ADARB2: variants seen among roughly 807,000 people sequenced by gnomAD.
ADARB2 encodes the protein adenosine deaminase RNA specific B2 (inactive).
In ADARB2, 25 loss-of-function variants were observed where a neutral mutation model predicts 62.2. That is an observed-to-expected ratio of 0.40 (90% confidence interval 0.29 to 0.56). The LOEUF (loss-of-function observed/expected upper bound fraction) is 0.56, where lower values mean the gene tolerates loss of function less well. ADARB2 is among the 20% of genes least tolerant of loss of function. ADARB2 has a pLI of 0.43. For missense variants in ADARB2, 1,071 were observed against 1,077.4 expected (o/e 0.99, Z 0.08); for synonymous variants, 572 against 500.8 (o/e 1.14, Z -1.90).
chr10:1,200,665 G>GAACA (rs1276152955), intron 7 of ADARB2, among the ~76,000 whole-genome samples: 2 of 152,164 alleles, frequency 1.3e-5, no homozygotes, highest in Non-Finnish European at 2.9e-5. Flanking sequence ...GATTGGAGAT[G>GAACA]AACAACAAGG....
chr10:1,196,177 T>G (rs549727807), intron 8 of ADARB2, among the ~76,000 whole-genome samples: 33 of 151,194 alleles, frequency 2.2e-4, no homozygotes, highest in South Asian at 8.4e-4. Flanking sequence ...TTATTAGGGC[T>G]GAGGGTCACT....
chr10:1,541,124 G>A (rs1283722338), intron 1 of ADARB2, among the ~76,000 whole-genome samples: 4 of 75,122 alleles, frequency 5.3e-5, no homozygotes, highest in Non-Finnish European at 8.1e-5. Flanking sequence ...CCACTCAGAC[G>A]CAGTTCAGAC....
chr10:1,396,895 G>A (rs1302404621), intron 1 of ADARB2, among the ~76,000 whole-genome samples: 1 of 95,776 alleles, frequency 1.0e-5, no homozygotes, highest in African/African-American at 4.1e-5. Flanking sequence ...CTGGGTCACC[G>A]TCCGTCTCTC....
At chr10:1,678,252 A>G (rs1372271106) in intron 1 of ADARB2, 2 of 984,974 alleles carry the variant, frequency 2.0e-6, no homozygotes, top group East Asian at 1.1e-4. Flanking sequence ...CCTCGGGGTG[A>G]GCATCCTCAG....
rs908669767 is a variant in ADARB2, at chr10:1,585,845, T to C, written c.100+151206A>G. On this transcript the variant is annotated intron_variant, in intron 1 of 9. Coordinates refer to ENST00000381312, the MANE Select transcript of ADARB2 (RefSeq NM_018702.4). ...GTCAGGAGATCGAGACCATCCTGGCTAACACGGTGAAACCCCGTCTCTACT... is the reference window on the plus strand; with the variant it reads ...GTCAGGAGATCGAGACCATCCTGGCCAACACGGTGAAACCCCGTCTCTACT... Among the ~76,000 whole-genome samples the C allele has an allele frequency of 1.8e-4, 28 of 152,200 alleles. 1 individual carries two copies. The highest frequency in any genetic ancestry group is 4.1e-4 in the South Asian group (2 of 4,824).
chr10:1,294,223 T>C lies in ADARB2; in HGVS notation c.1078-23154A>G, dbSNP rs112401157. Among the ~76,000 whole-genome samples, 1,081 of 152,304 alleles carry C rather than the reference T, an allele frequency of 7.1e-3. 17 individuals carry two copies. Among genetic ancestry groups the C allele is most frequent in the African/African-American group, 0.025 (1,038 of 41,554 alleles). On this transcript the variant is annotated intron_variant, in intron 3 of 9. Coordinates refer to ENST00000381312, the MANE Select transcript of ADARB2 (RefSeq NM_018702.4). The stretch of plus-strand genomic sequence containing the variant: ...ATCAGCTCTGTGGTGGCCACATCTC[T>C]CCATCGGGGTGTGCTTGCAGTTCTG...
intron 1 of ADARB2, among the ~76,000 whole-genome samples, chr10:1,685,115 G>A (rs566150735): frequency 6.6e-6 from 1 of 152,326 alleles, no homozygotes; most frequent in Admixed American, 6.5e-5. Flanking sequence ...GCAGTTTAAG[G>A]AATGAAGCCA....
intron 2 of ADARB2, among the ~76,000 whole-genome samples, chr10:1,373,548 T>TGC (rs1437944473): frequency 6.6e-6 from 1 of 152,186 alleles, no homozygotes; most frequent in Non-Finnish European, 1.5e-5. Context: ...TGTGCATGCG[T>TGC]GTGTGTGTGC....
intron 1 of ADARB2, among the ~76,000 whole-genome samples, chr10:1,591,018 A>G (rs763230198): frequency 3.9e-5 from 6 of 152,256 alleles, no homozygotes; most frequent in Non-Finnish European, 4.4e-5. Context: ...TGGGCTCCGC[A>G]AACAGGTGCA....
intron 1 of ADARB2, among the ~76,000 whole-genome samples, chr10:1,586,504 T>C (rs1055182627): frequency 1.3e-5 from 2 of 152,238 alleles, no homozygotes; most frequent in Admixed American, 6.5e-5. Flanking sequence ...CAATGCAGGC[T>C]GGCATTTCAA....
chr10:1,191,958 C>A (rs1054763124), intron 8 of ADARB2, among the ~76,000 whole-genome samples: 1 of 152,220 alleles, frequency 6.6e-6, no homozygotes, highest in African/African-American at 2.4e-5. Flanking sequence ...GTGATCAGCA[C>A]AACCACTGCT....
chr10:1,469,185 A>T (rs1387369250), intron 1 of ADARB2, among the ~76,000 whole-genome samples: 1 of 152,152 alleles, frequency 6.6e-6, no homozygotes, highest in Non-Finnish European at 1.5e-5. Context: ...ACTGGGTTTA[A>T]TGTGGATGTT....
rs114267980 is a variant in ADARB2, at chr10:1,511,257, C to T, written c.101-132097G>A. 3.0e-3 allele frequency among the ~76,000 whole-genome samples: 451 copies of T among 152,236 alleles called. 5 individuals carry two copies. The highest frequency in any genetic ancestry group is 0.01 in the African/African-American group (424 of 41,552). ...AGCTAAGGTGAAGTGCTATGTTCAA[C>T]GGATAGATTATGTATCAGAATGCCT... On this transcript the variant is annotated intron_variant, in intron 1 of 9. Transcript: ENST00000381312.
Position 1,409,634 on chromosome 10 carries a change from C to T in ADARB2, c.101-30474G>A, listed in dbSNP as rs184063421. On this transcript the variant is annotated intron_variant, in intron 1 of 9. Coordinates refer to ENST00000381312, the MANE Select transcript of ADARB2 (RefSeq NM_018702.4). ...CATAGGGAATGATTGTCAGTGGTGCCGAGGCCTGGCTGTGGTCATGGTGCC... is the reference window on the plus strand; with the variant it reads ...CATAGGGAATGATTGTCAGTGGTGCTGAGGCCTGGCTGTGGTCATGGTGCC... Among the ~76,000 whole-genome samples, 420 of 134,510 alleles carry T rather than the reference C, an allele frequency of 3.1e-3. 1 individual carries two copies. The highest frequency in any genetic ancestry group is 0.01 in the African/African-American group (370 of 35,782). The allele number at this position is 134,510 out of a possible 152,430, so 88.2% of individuals were successfully genotyped here. A position where few individuals can be genotyped will look rare whatever the true frequency, so the allele number is the denominator to read the frequency against.
At chr10:1,479,063 TTGG>T (rs1258093851) in intron 1 of ADARB2, among the ~76,000 whole-genome samples, 8 of 152,176 alleles carry the variant, frequency 5.3e-5, no homozygotes, top group Admixed American at 2.6e-4. Context: ...TGCAGCTGTC[TTGG>T]GCAGGGGCAG....
At chr10:1,410,780 C>A (rs936480519) in intron 1 of ADARB2, among the ~76,000 whole-genome samples, 6 of 152,178 alleles carry the variant, frequency 3.9e-5, no homozygotes, top group Non-Finnish European at 7.3e-5. Flanking sequence ...ATCGTCGGTG[C>A]AATTTTACCT....
chr10:1,458,936 A>G (rs1181342428), intron 1 of ADARB2, among the ~76,000 whole-genome samples: 1 of 152,258 alleles, frequency 6.6e-6, no homozygotes, highest in East Asian at 1.9e-4. Flanking sequence ...AATCATATGA[A>G]AAAAAGCTCA....
At chr10:1,432,686 T>C (rs1830788740) in intron 1 of ADARB2, among the ~76,000 whole-genome samples, 1 of 151,896 alleles carries the variant, frequency 6.6e-6, no homozygotes, top group Non-Finnish European at 1.5e-5. Context: ...TGCCATTCAA[T>C]ATACTTATAT....
chr10:1,337,156 GTGGTCCAGATAGTGCA>G (rs1246358584), intron 3 of ADARB2, among the ~76,000 whole-genome samples: 3 of 152,062 alleles, frequency 2.0e-5, no homozygotes, highest in African/African-American at 7.2e-5. Flanking sequence ...AAAATAGAAA[GTGGTCCAGATAGTGCA>G]TGTTTATAAG....
Sources: allele counts gnomAD v4.1 joint callset (sites outside exome capture counted in the v4.1 genomes callset), GRCh38; gene constraint gnomAD v4.1.1; transcripts MANE v1.5; gene names NCBI Gene and HGNC (gene_info 2026-07-23, HGNC 2026-07-21).